The following GMDS variants were observed in gnomAD, a reference collection of about 807,000 sequenced individuals.
GMDS encodes the protein GDP-mannose 4,6 dehydratase.
Under a neutral mutation model 49.9 loss-of-function variants are expected in GMDS, and 20 were observed. That is an observed-to-expected ratio of 0.40 (90% CI 0.28 to 0.58). The LOEUF (loss-of-function observed/expected upper bound fraction) is 0.58, where lower values mean the gene tolerates loss of function less well. GMDS is among the 20% of genes least tolerant of loss of function. GMDS has a pLI of 0.42. For synonymous variants in GMDS, 177 were observed against 178.6 expected, an observed-to-expected ratio of 0.99 and a Z score of 0.07; for missense variants, 362 against 481.4, an observed-to-expected ratio of 0.75 and a Z score of 2.32.
At chr6:2,186,391 C>A (rs967827521) in intron 1 of GMDS, among the ~76,000 whole-genome samples, 2 of 152,172 alleles carry the variant, frequency 1.3e-5, no homozygotes, top group South Asian at 4.1e-4. Context: ...TCTACCTACT[C>A]AACTTAGCTG....
chr6:1,871,130 T>C (rs1758721896), intron 7 of GMDS, among the ~76,000 whole-genome samples: 1 of 151,456 alleles, frequency 6.6e-6, no homozygotes, highest in Admixed American at 6.6e-5. Context: ...CAAGGAGAGT[T>C]AACGAGTACC....
At chr6:2,102,748 G>T (rs1196195445) in intron 4 of GMDS, among the ~76,000 whole-genome samples, 1 of 152,122 alleles carries the variant, frequency 6.6e-6, no homozygotes, top group Non-Finnish European at 1.5e-5. Flanking sequence ...GACCTATAAA[G>T]AAATGTTTAT....
chr6:2,146,977 C>T (rs376542222), intron 1 of GMDS, among the ~76,000 whole-genome samples: 5 of 152,104 alleles, frequency 3.3e-5, no homozygotes, highest in African/African-American at 7.2e-5. Flanking sequence ...GTAGAAAGAA[C>T]GGTGCATCCC....
At chr6:2,234,936 A>C (rs1240015977) in intron 1 of GMDS, among the ~76,000 whole-genome samples, 2 of 152,010 alleles carry the variant, frequency 1.3e-5, no homozygotes, top group Non-Finnish European at 2.9e-5. Flanking sequence ...GACCAGCCTG[A>C]CCAACATGGA....
At chr6:1,698,787 C>CTTTT (rs10641587) in intron 9 of GMDS, among the ~76,000 whole-genome samples, 67 of 133,048 alleles carry the variant, frequency 5.0e-4, no homozygotes, top group African/African-American at 1.7e-3. Flanking sequence ...CCTGGTTTCC[C>CTTTT]TTTTTTTTTT....
chr6:1,927,372 G>T (rs1163112978), intron 7 of GMDS, among the ~76,000 whole-genome samples: 1 of 152,210 alleles, frequency 6.6e-6, no homozygotes, highest in Non-Finnish European at 1.5e-5. Flanking sequence ...TATTCAGAGG[G>T]TAGCGTGTTG....
chr6:1,939,136 C>T (rs1313132207), intron 6 of GMDS, among the ~76,000 whole-genome samples: 2 of 152,004 alleles, frequency 1.3e-5, no homozygotes, highest in African/African-American at 2.4e-5. Flanking sequence ...TTTATTTACA[C>T]ATGTTTTTGT....
intron 4 of GMDS, among the ~76,000 whole-genome samples, chr6:1,983,998 A>T (rs993835065): frequency 6.6e-6 from 1 of 152,230 alleles, no homozygotes; most frequent in African/African-American, 2.4e-5. Context: ...AGACTGAATT[A>T]AAAAATGTGG....
chr6:2,055,262 A>G (rs193236075), intron 4 of GMDS, among the ~76,000 whole-genome samples: 17 of 151,660 alleles, frequency 1.1e-4, no homozygotes, highest in East Asian at 5.8e-4. Flanking sequence ...AAGAAAAAAA[A>G]AGAGAGAGAG....
At chr6:2,194,546 AATC>A (rs1156620516) in intron 1 of GMDS, among the ~76,000 whole-genome samples, 4 of 152,250 alleles carry the variant, frequency 2.6e-5, no homozygotes, top group African/African-American at 9.6e-5. Flanking sequence ...TTACTTTATC[AATC>A]ATGTTTCACA....
At chr6:2,063,670 A>G (rs1456352971) in intron 4 of GMDS, among the ~76,000 whole-genome samples, 1 of 152,236 alleles carries the variant, frequency 6.6e-6, no homozygotes, top group Non-Finnish European at 1.5e-5. Flanking sequence ...GAATGCCACA[A>G]TGGCTGTCAG....
chr6:2,178,610 A>G (rs1345825815), intron 1 of GMDS, among the ~76,000 whole-genome samples: 1 of 152,144 alleles, frequency 6.6e-6, no homozygotes, highest in Non-Finnish European at 1.5e-5. Flanking sequence ...AATCCAAACC[A>G]TATCAGGCAC....
chr6:1,907,880 T>C (rs1434911256), intron 7 of GMDS, among the ~76,000 whole-genome samples: 1 of 152,240 alleles, frequency 6.6e-6, no homozygotes, highest in African/African-American at 2.4e-5. Context: ...CCCCGGTGGA[T>C]ACCTGAAATT....
intron 4 of GMDS, among the ~76,000 whole-genome samples, chr6:1,976,199 TGTTTAA>T (rs1225910039): frequency 1.6e-5 from 1 of 64,368 alleles, no homozygotes; most frequent in East Asian, 4.3e-4. Context: ...GTATACTCTT[TGTTTAA>T]GTCTGATTAA....
At chr6:1,744,118 G>A (rs1485241761) in intron 7 of GMDS, among the ~76,000 whole-genome samples, 1 of 152,110 alleles carries the variant, frequency 6.6e-6, no homozygotes, top group Non-Finnish European at 1.5e-5. Context: ...ATTGGAATTT[G>A]TAGAAAACTT....
intron 4 of GMDS, among the ~76,000 whole-genome samples, chr6:1,965,775 G>C (rs1764227669): frequency 6.6e-6 from 1 of 152,200 alleles, no homozygotes; most frequent in Non-Finnish European, 1.5e-5. Context: ...TGAGGCTCCA[G>C]TGAGCCATGA....
intron 4 of GMDS, among the ~76,000 whole-genome samples, chr6:2,075,731 CT>C (rs1772299100): frequency 6.6e-6 from 1 of 152,160 alleles, no homozygotes; most frequent in African/African-American, 2.4e-5. Context: ...GTGCATGTGT[CT>C]TTATAGCAGC....
intron 1 of GMDS, among the ~76,000 whole-genome samples, chr6:2,152,878 C>A (rs1217131435): frequency 6.6e-6 from 1 of 151,880 alleles, no homozygotes; most frequent in Non-Finnish European, 1.5e-5. Flanking sequence ...TAATCAAAAT[C>A]TAGATACAGT....
At chr6:1,796,680 G>A (rs963351441) in intron 7 of GMDS, among the ~76,000 whole-genome samples, 5 of 152,034 alleles carry the variant, frequency 3.3e-5, no homozygotes, top group African/African-American at 9.7e-5. Context: ...TGACCCTCTC[G>A]CTTCAGTTAA....
Sources: allele counts gnomAD v4.1 joint callset (sites outside exome capture counted in the v4.1 genomes callset), GRCh38; gene constraint gnomAD v4.1.1; transcripts MANE v1.5; gene names NCBI Gene and HGNC (gene_info 2026-07-23, HGNC 2026-07-21).